SEMA6A: variants seen among roughly 807,000 people sequenced by gnomAD.
SEMA6A encodes semaphorin-6A.
A neutral mutation model predicts 96.8 loss-of-function variants in SEMA6A; 25 were observed. That is an observed-to-expected ratio of 0.26 (90% confidence interval 0.19 to 0.36). The LOEUF (loss-of-function observed/expected upper bound fraction) is 0.36. Among genes scored for constraint, SEMA6A ranks in the 10% least tolerant of loss-of-function variants. The pLI is 1.00. For missense variants in SEMA6A, 1,363 were observed against 1,323.1 expected (o/e 1.03, Z -0.47); for synonymous variants, 612 against 518.0 (o/e 1.18, Z -2.46).
chr5:116,499,688 AC>A (rs1346178830), intron 3 of SEMA6A, among the ~76,000 whole-genome samples: 1 of 152,242 alleles, frequency 6.6e-6, no homozygotes, highest in African/African-American at 2.4e-5. Flanking sequence ...CTACAGTGAT[AC>A]AAACTTGACC....
chr5:116,570,309 C>T (rs560364311), intron 1 of SEMA6A, among the ~76,000 whole-genome samples: 2 of 151,906 alleles, frequency 1.3e-5, no homozygotes, highest in Admixed American at 6.6e-5. Flanking sequence ...AGAAATATCT[C>T]AGAGAAAACT....
intron 1 of SEMA6A, among the ~76,000 whole-genome samples, chr5:116,557,378 A>AT (rs1274148836): frequency 6.6e-6 from 1 of 152,146 alleles, no homozygotes; most frequent in Non-Finnish European, 1.5e-5. Flanking sequence ...CTCCTGGCTA[A>AT]TTTTTGTATT....
chr5:116,447,098 G>C lies in SEMA6A; in HGVS notation c.2608C>G (p.Leu870Val), dbSNP rs1222535691. 8 of 1,613,974 alleles carry C rather than the reference G, an allele frequency of 5.0e-6. No individual in the cohort carries two copies. In the East Asian group the frequency reaches 1.6e-4, roughly 31 times the overall value. Residue 870 changes from leucine (L) to valine (V), a missense_variant, in exon 19 of 19, where the codon CTT becomes GTT. Physicochemically the swap from Leu to Val is conservative, Grantham distance 32 (BLOSUM62 1). Transcript: ENST00000343348. ...SSKSPNHGVN[L>V]VENLDSLPPK... ...GGCAGGCTGTCCAGGTTCTCCACAA[G>C]GTTCACCCCATGGTTGGGACTCTTG...
chr5:116,572,177 C>T (rs762020685), intron 1 of SEMA6A, among the ~76,000 whole-genome samples: 15 of 152,182 alleles, frequency 9.9e-5, no homozygotes, highest in Non-Finnish European at 1.8e-4. Context: ...GTGGGTTAAA[C>T]GGCTTTTCAG....
intron 1 of SEMA6A, among the ~76,000 whole-genome samples, chr5:116,521,078 G>A (rs930306314): frequency 2.0e-5 from 3 of 152,196 alleles, no homozygotes; most frequent in African/African-American, 7.2e-5. Flanking sequence ...CAGCCAAAAA[G>A]CATTTGCAAG....
chr5:116,487,628 C>T (rs894730570), intron 9 of SEMA6A, among the ~76,000 whole-genome samples: 2 of 152,084 alleles, frequency 1.3e-5, no homozygotes, highest in Non-Finnish European at 2.9e-5. Context: ...TTTTGGGAGG[C>T]TGCAGCAGGT....
chr5:116,461,806 CATCT>C (rs943996573), intron 18 of SEMA6A, among the ~76,000 whole-genome samples: 1 of 152,070 alleles, frequency 6.6e-6, no homozygotes, highest in Non-Finnish European at 1.5e-5. Flanking sequence ...ACCTGTGTTC[CATCT>C]GTCTGGTGTT....
At chr5:116,498,227 C>T (rs144400940) in intron 3 of SEMA6A, among the ~76,000 whole-genome samples, 54 of 152,276 alleles carry the variant, frequency 3.5e-4, no homozygotes, top group Admixed American at 2.3e-3. Context: ...AGCAAAACAG[C>T]TCATTTTCCC....
chr5:116,467,907 G>T (rs1476409860), intron 17 of SEMA6A, 160 bp from the exon 18 acceptor site: 2 of 670,388 alleles, frequency 3.0e-6, no homozygotes, highest in Non-Finnish European at 2.5e-6. Context: ...GGTGGTGGTG[G>T]TGGTGGTGTG....
rs373787925 is a variant in SEMA6A, at chr5:116,446,968, C to A, written c.2738G>T (p.Gly913Val). The A allele has an allele frequency of 1.2e-6, 2 of 1,613,754 alleles. No individual in the cohort carries two copies. Among genetic ancestry groups the A allele is most frequent in the Non-Finnish European group, 1.7e-6 (2 of 1,179,868 alleles). The change falls in exon 19 of 19, where the codon GGG becomes GTG. Residue 913 changes from glycine to valine, a missense_variant. Physicochemically the swap from Gly to Val is moderately radical, Grantham distance 109. Around this residue, in one of 2 missense-constraint regions of SEMA6A, gnomAD observed 883 missense variants for 763.6 expected, o/e 1.16. Coordinates refer to ENST00000343348, the MANE Select transcript of SEMA6A (RefSeq NM_020796.5). ...GGGGTAGCTCCTCTTATAGTCAACCCCGTAGGAAGAGGAGTGGTGCATTTC... is the reference window on the plus strand; with the variant it reads ...GGGGTAGCTCCTCTTATAGTCAACCACGTAGGAAGAGGAGTGGTGCATTTC... ...RLEMHHSSSY[G>V]VDYKRSYPTN...
At chr5:116,468,215 G>C (rs920896623) in intron 17 of SEMA6A, 3 of 158,994 alleles carry the variant, frequency 1.9e-5, no homozygotes, top group African/African-American at 7.2e-5. Flanking sequence ...CGATGGGGCA[G>C]GTTTCTGGTA....
At chr5:116,519,591 C>G (rs1245354002) in intron 1 of SEMA6A, among the ~76,000 whole-genome samples, 3 of 151,798 alleles carry the variant, frequency 2.0e-5, no homozygotes, top group Non-Finnish European at 4.4e-5. Context: ...ATGGGCTCAC[C>G]CATGGGTTCT....
intron 1 of SEMA6A, among the ~76,000 whole-genome samples, chr5:116,518,148 C>T (rs999371142): frequency 3.3e-5 from 5 of 152,148 alleles, no homozygotes; most frequent in Non-Finnish European, 7.4e-5. Context: ...TTGGGGAGGA[C>T]AACTGTTATC....
At chr5:116,488,087 A>G in intron 9 of SEMA6A, 21 bp downstream of exon 9, 1 of 1,501,302 alleles carries the variant, frequency 6.7e-7, no homozygotes, top group Non-Finnish European at 9.2e-7. Flanking sequence ...AAACTGAGCC[A>G]AGGACAGCAT....
intron 1 of SEMA6A, among the ~76,000 whole-genome samples, chr5:116,519,664 TACACACACAC>T (rs72233200): frequency 4.1e-5 from 6 of 146,934 alleles, no homozygotes; most frequent in African/African-American, 5.1e-5. Context: ...ATGCTGTGTG[TACACACACAC>T]ACACACACAC....
intron 3 of SEMA6A, among the ~76,000 whole-genome samples, chr5:116,501,586 A>T (rs1056078668): frequency 3.0e-4 from 46 of 152,316 alleles, no homozygotes; most frequent in Admixed American, 3.0e-3. Context: ...CATTCACCTT[A>T]ATTTAACAAA....
rs551898554 is a variant in SEMA6A, at chr5:116,496,231, G to A, written c.342+20C>T. 5 of 1,608,156 alleles carry A rather than the reference G, an allele frequency of 3.1e-6. No individual in the cohort carries two copies. The South Asian group carries it at 5.5e-5, about 18-fold the overall frequency. On this transcript the variant is annotated intron_variant, in intron 5 of 18. Coordinates refer to ENST00000343348, the MANE Select transcript of SEMA6A (RefSeq NM_020796.5). Reference sequence around the variant, plus strand: ...ACTTAACCCAAAGTGGCAGCTGCAGGAGAAATGAAAATTGCCTACCTTATG... The same window carrying A: ...ACTTAACCCAAAGTGGCAGCTGCAGAAGAAATGAAAATTGCCTACCTTATG...
At chr5:116,469,327 G>A (rs1021987188) in intron 17 of SEMA6A, 1 of 152,148 alleles carries the variant, frequency 6.6e-6, no homozygotes, top group Non-Finnish European at 1.5e-5. Flanking sequence ...CATTTCTGAG[G>A]TTCACATCTC....
intron 3 of SEMA6A, chr5:116,499,033 T>C (rs1007971838): frequency 6.6e-6 from 1 of 152,042 alleles, no homozygotes; most frequent in Admixed American, 6.6e-5. Context: ...TTGAAAGGGG[T>C]TCTTGCCACC....
Sources: gnomAD v4.1 joint callset for allele counts (sites outside exome capture counted in the v4.1 genomes callset) on GRCh38, gnomAD v4.1.1 for gene constraint, gnomAD v4.1.1 regional missense constraint, MANE v1.5 for transcripts, NCBI Gene and HGNC (gene_info 2026-07-23, HGNC 2026-07-21) for gene names.